HHAT: variants seen among roughly 807,000 people sequenced by gnomAD.
The protein encoded by HHAT is protein-cysteine N-palmitoyltransferase HHAT.
Under a neutral mutation model 70.8 loss-of-function variants are expected in HHAT, and 47 were observed. That is an observed-to-expected ratio of 0.66 (90% CI 0.53 to 0.85). The LOEUF is 0.85. Among genes scored for constraint, HHAT ranks in the 40% least tolerant of loss-of-function variants. The probability of loss-of-function intolerance (pLI) is 0.00; values close to 1 mark genes in which losing one functional copy is unlikely to be tolerated. For missense variants in HHAT, 609 were observed against 604.8 expected, an observed-to-expected ratio of 1.01 and a Z score of -0.07; for synonymous variants, 228 against 247.6, an observed-to-expected ratio of 0.92 and a Z score of 0.74.
intron 8 of HHAT, among the ~76,000 whole-genome samples, chr1:210,495,259 A>T (rs965949449): frequency 6.6e-6 from 1 of 150,770 alleles, no homozygotes; most frequent in Non-Finnish European, 1.5e-5. Context: ...CTTAATATAT[A>T]TTTTCCATAA....
intron 3 of HHAT, among the ~76,000 whole-genome samples, chr1:210,364,664 C>T (rs1049417115): frequency 3.9e-5 from 6 of 152,204 alleles, no homozygotes; most frequent in Admixed American, 3.9e-4. Context: ...CCAGACAAAG[C>T]GGCCTTGTCT....
At chr1:210,588,451 A>G (rs1192589097) in intron 10 of HHAT, 1 of 189,228 alleles carries the variant, frequency 5.3e-6, no homozygotes, top group Non-Finnish European at 1.1e-5. Flanking sequence ...ACATTAAAAC[A>G]AATGCTATTA....
intron 3 of HHAT, among the ~76,000 whole-genome samples, chr1:210,364,678 C>T (rs1040720875): frequency 1.2e-4 from 19 of 152,240 alleles, no homozygotes; most frequent in Admixed American, 7.2e-4. Flanking sequence ...CTTGTCTTCA[C>T]TGACTTCCCA....
At chr1:210,636,954 G>T (rs1671978650) in intron 11 of HHAT, among the ~76,000 whole-genome samples, 1 of 152,140 alleles carries the variant, frequency 6.6e-6, no homozygotes, top group African/African-American at 2.4e-5. Context: ...AGACACAATT[G>T]AGCCACTTTA....
chr1:210,498,104 T>C (rs1429835766), intron 8 of HHAT, among the ~76,000 whole-genome samples: 1 of 152,136 alleles, frequency 6.6e-6, no homozygotes, highest in Non-Finnish European at 1.5e-5. Flanking sequence ...TCAACTTCTG[T>C]GGTCAGGGAC....
At chr1:210,503,441 A>G (rs1424104432) in intron 8 of HHAT, among the ~76,000 whole-genome samples, 8 of 152,138 alleles carry the variant, frequency 5.3e-5, no homozygotes, top group Admixed American at 4.6e-4. Flanking sequence ...TGTAACTCCT[A>G]TCTACTTTTC....
intron 9 of HHAT, among the ~76,000 whole-genome samples, chr1:210,549,263 G>A (rs1005416152): frequency 3.4e-5 from 5 of 149,146 alleles, no homozygotes; most frequent in African/African-American, 1.2e-4. Flanking sequence ...ATGATCAGAT[G>A]TTGTCTGTTT....
At chr1:210,516,354 T>G (rs1445780127) in intron 9 of HHAT, among the ~76,000 whole-genome samples, 2 of 152,126 alleles carry the variant, frequency 1.3e-5, no homozygotes. Flanking sequence ...TGAACTCTTG[T>G]ATTTAGCCAC....
At chr1:210,366,406 C>T (rs578082027) in intron 3 of HHAT, among the ~76,000 whole-genome samples, 14 of 152,196 alleles carry the variant, frequency 9.2e-5, no homozygotes, top group Admixed American at 2.0e-4. Flanking sequence ...CTAAGACCAG[C>T]GATCATTGAG....
chr1:210,662,300 G>A (rs887350938), intron 11 of HHAT, among the ~76,000 whole-genome samples: 1 of 152,180 alleles, frequency 6.6e-6, no homozygotes, highest in Non-Finnish European at 1.5e-5. Flanking sequence ...CTGCCTGTCT[G>A]AATGCTAAGC....
intron 9 of HHAT, among the ~76,000 whole-genome samples, chr1:210,560,521 G>A (rs2095611579): frequency 1.3e-5 from 2 of 151,786 alleles, no homozygotes; most frequent in East Asian, 3.9e-4. Context: ...CATCATTCAA[G>A]ATAAACAGAA....
intron 11 of HHAT, among the ~76,000 whole-genome samples, chr1:210,657,137 CA>C (rs1676612874): frequency 6.6e-6 from 1 of 152,150 alleles, no homozygotes. Context: ...CTAGTGAGAC[CA>C]AATCTATGGC....
chr1:210,435,470 C>T (rs2093352983), intron 7 of HHAT, among the ~76,000 whole-genome samples: 1 of 151,816 alleles, frequency 6.6e-6, no homozygotes, highest in South Asian at 2.1e-4. Flanking sequence ...GATTTCCTTT[C>T]CATGGGGTGT....
chr1:210,348,986 G>T lies in HHAT; in HGVS notation c.11G>T (p.Arg4Leu). 1 of 1,613,930 alleles carries T rather than the reference G, an allele frequency of 6.2e-7. No homozygotes were observed. Among genetic ancestry groups the T allele is most frequent in the Non-Finnish European group, 8.5e-7 (1 of 1,179,926 alleles). Residue 4 changes from arginine to leucine, a missense_variant, in exon 2 of 12, where the codon CGA (arginine) becomes CTA (leucine). By Grantham distance (102) the Arg-to-Leu change is moderately radical (BLOSUM62 -2). Transcript: ENST00000261458. ...TCGTGCCAAGGAGCCATGCTGCCCC[G>T]ATGGGAACTGGCACTTTACCTACTT... is the stretch of plus-strand genomic sequence containing the variant. The part of the protein sequence containing the change: MLP[R>L]WELALYLLAS...
intron 6 of HHAT, among the ~76,000 whole-genome samples, chr1:210,413,638 G>A (rs755303060): frequency 3.9e-5 from 6 of 152,092 alleles, no homozygotes; most frequent in Non-Finnish European, 5.9e-5. Flanking sequence ...ACTAGGATAC[G>A]AACACAATTC....
chr1:210,557,370 C>A (rs2095582099), intron 9 of HHAT, among the ~76,000 whole-genome samples: 1 of 152,146 alleles, frequency 6.6e-6, no homozygotes, highest in Non-Finnish European at 1.5e-5. Context: ...ACTCCTGAAA[C>A]CCCTGGTTTA....
intron 1 of HHAT, among the ~76,000 whole-genome samples, chr1:210,334,360 C>T (rs1357052839): frequency 2.0e-5 from 3 of 150,756 alleles, no homozygotes; most frequent in South Asian, 2.1e-4. Flanking sequence ...TTCGCCATGT[C>T]GCCCAGGCTG....
At chr1:210,517,961 TA>T (rs1025234530) in intron 9 of HHAT, among the ~76,000 whole-genome samples, 1 of 152,018 alleles carries the variant, frequency 6.6e-6, no homozygotes, top group Admixed American at 6.6e-5. Context: ...ATCATGACTT[TA>T]AAAAAAATTG....
In HHAT at chr1:210,329,058, C is replaced by T; in HGVS notation, c.-90C>T. 1 of 1,429,390 alleles carries T rather than the reference C, an allele frequency of 7.0e-7. No individual in the cohort carries two copies. The highest frequency in any genetic ancestry group is 3.0e-5 in the East Asian group (1 of 33,080). The allele number at this position is 1,429,390 out of a possible 1,614,324, so 88.5% of individuals were successfully genotyped here. A position where few individuals can be genotyped will look rare whatever the true frequency, so the allele number is the denominator to read the frequency against. ...CCGAAAGAGGGGTGTTGGGAACTCGCGGCGCGCGTGAACGTTGCCGTCGCC... is the reference window on the plus strand; with the variant it reads ...CCGAAAGAGGGGTGTTGGGAACTCGTGGCGCGCGTGAACGTTGCCGTCGCC... On this transcript the variant is annotated 5_prime_UTR_variant, in exon 1 of 12. Coordinates refer to ENST00000261458, the MANE Select transcript of HHAT (RefSeq NM_018194.6).
Sources: gnomAD v4.1 joint callset for allele counts (sites outside exome capture counted in the v4.1 genomes callset) on GRCh38, gnomAD v4.1.1 for gene constraint, MANE v1.5 for transcripts, NCBI Gene and HGNC (gene_info 2026-07-23, HGNC 2026-07-21) for gene names.